The following DDRGK1 variants were observed in gnomAD, a reference collection of about 807,000 sequenced individuals.
DDRGK1 encodes the protein DDRGK domain containing 1.
In DDRGK1, 38 loss-of-function variants were observed where a neutral mutation model predicts 45.8. The observed-to-expected ratio is 0.83, with a 90% CI of 0.64 to 1.09. The LOEUF is 1.09. Among genes scored for constraint, DDRGK1 ranks in the 50% least tolerant of loss-of-function variants. The pLI is 0.00. For synonymous variants in DDRGK1, 171 were observed against 168.7 expected (o/e 1.01, Z -0.11); for missense variants, 403 against 419.9 (o/e 0.96, Z 0.35).
chr20:3,191,552 G>A lies in DDRGK1; in HGVS notation c.729+213C>T, dbSNP rs544657815. Reference sequence around the variant, plus strand: ...TGCTTTGGTCACAGGGGCTGGCAGAGTGATGGGGTTTGGGTTTTTTTTTTC... The same window carrying A: ...TGCTTTGGTCACAGGGGCTGGCAGAATGATGGGGTTTGGGTTTTTTTTTTC... On this transcript the variant is annotated intron_variant, in intron 7 of 8. Transcript: ENST00000354488. 11 of 750,612 alleles carry A rather than the reference G, an allele frequency of 1.5e-5. No individual in the cohort carries two copies. The Admixed American group carries it at 2.0e-4, about 14-fold the overall frequency. 46.5% of individuals were successfully genotyped at this position (750,612 alleles called of 1,614,324 possible).
intron 8 of DDRGK1, 108 bp downstream of exon 8, chr20:3,191,082 T>G: frequency 7.0e-7 from 1 of 1,432,216 alleles, no homozygotes; most frequent in African/African-American, 1.4e-5. Flanking sequence ...TGCACACCCC[T>G]CCCCCCATCT....
At chr20:3,195,492 T>A (rs1255982583) in intron 4 of DDRGK1, 139 bp from the exon 5 acceptor site, 52 of 1,253,256 alleles carry the variant, frequency 4.1e-5, no homozygotes, top group Non-Finnish European at 5.5e-5. Flanking sequence ...AGGACCCCCA[T>A]TTCTCCATTC....
intron 4 of DDRGK1, among the ~76,000 whole-genome samples, chr20:3,197,239 A>G (rs1400608369): frequency 6.6e-6 from 1 of 151,798 alleles, no homozygotes; most frequent in East Asian, 1.9e-4. Context: ...AAAAAAAAAA[A>G]AAAAAAAGAC....
At chr20:3,197,624 C>T (rs1018184856) in intron 4 of DDRGK1, among the ~76,000 whole-genome samples, 1 of 152,110 alleles carries the variant, frequency 6.6e-6, no homozygotes, top group Non-Finnish European at 1.5e-5. Context: ...AAACTACTTG[C>T]CCAGGACTCC....
chr20:3,191,234 G>T lies in DDRGK1; in HGVS notation c.734C>A (p.Thr245Asn). 1 of 1,614,184 alleles carries T rather than the reference G, an allele frequency of 6.2e-7. No homozygotes were observed. The highest frequency in any genetic ancestry group is 8.5e-7 in the Non-Finnish European group (1 of 1,180,028). ...CAGCAGGTCCTGGATGCGATTTATG[G>T]TGTCCTATGAGGAGAACAACTCTCA... Reference protein sequence around the residue: ...ASQVGLRTQDTINRIQDLLAE... With the variant: ...ASQVGLRTQDNINRIQDLLAE... Residue 245 changes from threonine (T) to asparagine (N), a missense_variant, in exon 8 of 9, where the codon ACC becomes AAC. Thr to Asn is a moderately conservative substitution (Grantham distance 65). Transcript: ENST00000354488.
At chr20:3,197,989 A>C (rs2067019068) in intron 4 of DDRGK1, among the ~76,000 whole-genome samples, 2 of 149,688 alleles carry the variant, frequency 1.3e-5, no homozygotes. Context: ...AGTGGTGCAC[A>C]CCTGTAGCCC....
chr20:3,194,734 G>A (rs2067002612), intron 6 of DDRGK1, 96 bp downstream of exon 6: 8 of 1,520,218 alleles, frequency 5.3e-6, no homozygotes, highest in East Asian at 2.3e-5. Context: ...TCCTGCATGA[G>A]CCTGAATGCC....
At chr20:3,198,979 CAAAA>C (rs386393118) in intron 4 of DDRGK1, among the ~76,000 whole-genome samples, 5 of 115,108 alleles carry the variant, frequency 4.3e-5, no homozygotes, top group Non-Finnish European at 7.0e-5. Context: ...CAATCTCTAC[CAAAA>C]AAAAAAAAAA....
chr20:3,198,803 G>A (rs535391621), intron 4 of DDRGK1, among the ~76,000 whole-genome samples: 4 of 140,074 alleles, frequency 2.9e-5, no homozygotes, highest in Non-Finnish European at 6.1e-5. Flanking sequence ...CATCCTAGAT[G>A]GGACCCTGGA....
chr20:3,196,470 G>A (rs972827225), intron 4 of DDRGK1, among the ~76,000 whole-genome samples: 10 of 151,474 alleles, frequency 6.6e-5, no homozygotes, highest in Non-Finnish European at 1.5e-4. Context: ...GAGGTCAGGA[G>A]ATCGAGACCA....
At chr20:3,198,700 C>CAAAAAAA (rs151197280) in intron 4 of DDRGK1, among the ~76,000 whole-genome samples, 5 of 41,582 alleles carry the variant, frequency 1.2e-4, no homozygotes, top group African/African-American at 3.1e-4. Flanking sequence ...AACTCCGTTT[C>CAAAAAAA]AAAAAAAAAA....
At chr20:3,203,825 C>G (rs547994330) in intron 1 of DDRGK1, among the ~76,000 whole-genome samples, 1 of 152,348 alleles carries the variant, frequency 6.6e-6, no homozygotes, top group South Asian at 2.1e-4. Context: ...CCGGGAAGAC[C>G]TGCTGGATCT....
rs760339077 is a variant in DDRGK1, at chr20:3,190,858, G to A, written c.779-39C>T. The A allele has an allele frequency of 1.6e-5, 26 of 1,580,224 alleles. 1 individual carries two copies. The highest frequency in any genetic ancestry group is 8.1e-5 in the South Asian group (7 of 86,888). ...CAGGTTGTGGGGCTGAGGCCTCCTG[G>A]GCGTTCCCCATCTGGCCTGAGAATG... On this transcript the variant is annotated intron_variant, in intron 8 of 8. Transcript: ENST00000354488.
At chr20:3,200,511 T>C (rs563788743) in intron 2 of DDRGK1, 57 bp from the exon 3 acceptor site, 26 of 1,470,180 alleles carry the variant, frequency 1.8e-5, no homozygotes, top group Non-Finnish European at 2.4e-5. Context: ...CTGATGACGA[T>C]GGATCCCCAA....
intron 4 of DDRGK1, 88 bp from the exon 5 acceptor site, chr20:3,195,441 G>C (rs1337107095): frequency 8.0e-6 from 12 of 1,495,384 alleles, no homozygotes; most frequent in South Asian, 1.3e-5. Context: ...CAGGACACCA[G>C]AGCATATAGC....
intron 8 of DDRGK1, among the ~76,000 whole-genome samples, 157 bp downstream of exon 8, chr20:3,191,033 C>T (rs1179097156): frequency 6.6e-6 from 1 of 152,160 alleles, no homozygotes; most frequent in African/African-American, 2.4e-5. Flanking sequence ...CCTGGCATGT[C>T]CTCCTTGTAA....
intron 2 of DDRGK1, among the ~76,000 whole-genome samples, chr20:3,201,823 G>C (rs6084299): frequency 1.5e-4 from 23 of 150,506 alleles, no homozygotes; most frequent in African/African-American, 5.4e-4. Flanking sequence ...ATGCCCCCCT[G>C]ATTTTTTTAT....
intron 6 of DDRGK1, among the ~76,000 whole-genome samples, chr20:3,193,586 G>A (rs1366972547): frequency 6.6e-6 from 1 of 152,176 alleles, no homozygotes; most frequent in East Asian, 1.9e-4. Context: ...GCCCAGGCTA[G>A]TCTCAAACTC....
chr20:3,196,480 A>C (rs948684289), intron 4 of DDRGK1, among the ~76,000 whole-genome samples: 3 of 150,930 alleles, frequency 2.0e-5, no homozygotes, highest in African/African-American at 4.9e-5. Context: ...GATCGAGACC[A>C]TCCTGGCTAA....
Sources: gnomAD v4.1 joint callset for allele counts (sites outside exome capture counted in the v4.1 genomes callset) on GRCh38, gnomAD v4.1.1 for gene constraint, MANE v1.5 for transcripts, NCBI Gene and HGNC (gene_info 2026-07-23, HGNC 2026-07-21) for gene names.